Variants in PSD2 observed in about 807,000 individuals in gnomAD.
PSD2 encodes PH and SEC7 domain-containing protein 2.
Under a neutral mutation model 69.8 loss-of-function variants are expected in PSD2, and 38 were observed. That is an observed-to-expected ratio of 0.54 (90% CI 0.42 to 0.71). The LOEUF is 0.71. PSD2 is among the 30% of genes least tolerant of loss of function. The pLI is 0.00. For synonymous variants in PSD2, 412 were observed against 423.0 expected (o/e 0.97, Z 0.32); for missense variants, 943 against 1,014.5 (o/e 0.93, Z 0.96).
intron 7 of PSD2, among the ~76,000 whole-genome samples, chr5:139,833,284 C>A (rs1760637173): frequency 6.6e-6 from 1 of 152,008 alleles, no homozygotes; most frequent in African/African-American, 2.4e-5. Context: ...TGATCGTGGG[C>A]ATGTCACTTC....
chr5:139,825,148 G>A (rs1483976939), intron 7 of PSD2, among the ~76,000 whole-genome samples: 5 of 152,204 alleles, frequency 3.3e-5, no homozygotes, highest in South Asian at 4.1e-4. Flanking sequence ...GTGAACAAGC[G>A]ATTACAAGTT....
chr5:139,776,031 C>T, the PSD2 span, among the ~76,000 whole-genome samples: 4 of 152,210 alleles, frequency 2.6e-5, no homozygotes, highest in African/African-American at 7.2e-5. Flanking sequence ...CCCTCCAAGA[C>T]GCCTCCCCAA....
intron 1 of PSD2, among the ~76,000 whole-genome samples, chr5:139,804,935 A>G (rs1759762138): frequency 7.0e-6 from 1 of 142,836 alleles, no homozygotes; most frequent in Non-Finnish European, 1.5e-5. Context: ...GTGTGTGTGC[A>G]TGTGTCTGCA....
At position 139,836,943 on chromosome 5, in the gene PSD2, C is replaced by T. The variant is rs372881190; in HGVS notation, c.1536C>T (p.Thr512=). Residue 512 remains threonine (T), a synonymous_variant, in exon 10 of 15, where the codon ACC becomes ACT. Coordinates refer to ENST00000274710, the MANE Select transcript of PSD2 (RefSeq NM_032289.4). The part of the protein sequence containing the change: ...FLDVPQALSA[T]TYKHGVLTRK... ...ATGTCCCACAGGCGCTCAGTGCCAC[C>T]ACCTACAAGCACGGCGTCCTGACCC... 11 of 1,614,006 alleles carry T rather than the reference C, an allele frequency of 6.8e-6. No homozygotes were observed. Among genetic ancestry groups the T allele is most frequent in the Non-Finnish European group, 8.5e-6 (10 of 1,180,036 alleles).
At position 139,822,778 on chromosome 5, in the gene PSD2, C is replaced by T. The variant is rs181682090; in HGVS notation, c.1263C>T (p.His421=). The change falls in exon 7 of 15, where the codon CAC becomes CAT. Residue 421 remains histidine, a synonymous_variant. Transcript: ENST00000274710. ...CALMLLNTDL[H]GHNIGKKMSC... is the part of the protein sequence containing the mutation. ...TGATGCTGCTCAACACGGACCTGCACGGCCACGTGAGTTGGGGAGGTGACG... is the reference window on the plus strand; with the variant it reads ...TGATGCTGCTCAACACGGACCTGCATGGCCACGTGAGTTGGGGAGGTGACG... The T allele has an allele frequency of 2.2e-4, 349 of 1,607,530 alleles. 2 individuals are homozygous for T. The South Asian group carries it at 3.5e-3, about 16-fold the overall frequency.
At chr5:139,822,676 T>C (rs1760301429) in intron 6 of PSD2, 50 bp from the exon 7 acceptor site, 2 of 1,518,178 alleles carry the variant, frequency 1.3e-6, no homozygotes, top group Non-Finnish European at 1.8e-6. Context: ...AGACAGGGAG[T>C]GGGAAGAGGT....
rs1760898624 is a variant in PSD2 at position 139,842,507 on chromosome 5, G to A, written c.*33G>A. On this transcript the variant is annotated 3_prime_UTR_variant, in exon 15 of 15. Coordinates refer to ENST00000274710, the MANE Select transcript of PSD2 (RefSeq NM_032289.4). ...GGATTTGCAGACCCCAGGGTGGGCA[G>A]ATGTCTCCAGTGGGGTCAGTGAGCA... 1.3e-6 allele frequency: 2 copies of A among 1,592,552 alleles called. No individual in the cohort carries two copies. Among genetic ancestry groups the A allele is most frequent in the East Asian group, 2.2e-5 (1 of 44,586 alleles).
the PSD2 span, among the ~76,000 whole-genome samples, chr5:139,788,229 C>T: frequency 2.7e-5 from 4 of 150,606 alleles, no homozygotes; most frequent in Non-Finnish European, 5.9e-5. Flanking sequence ...CCAGCCCGAG[C>T]TCCCCCTGCG....
the PSD2 span, among the ~76,000 whole-genome samples, chr5:139,769,851 G>A: frequency 6.6e-6 from 1 of 152,252 alleles, no homozygotes; most frequent in South Asian, 2.1e-4. Flanking sequence ...GGGTGGAGGT[G>A]GGGCAGCTTC....
the PSD2 span, among the ~76,000 whole-genome samples, chr5:139,773,305 C>G: frequency 2.3e-3 from 353 of 152,214 alleles, no homozygotes; most frequent in Non-Finnish European, 4.2e-3. Context: ...TTTTGTCACC[C>G]GGGCTGGAGT....
At position 139,837,373 on chromosome 5, in the gene PSD2, C is replaced by T. The variant is rs1341747682; in HGVS notation, c.1665+135C>T. On this transcript the variant is annotated intron_variant, in intron 11 of 14. Coordinates refer to ENST00000274710, the MANE Select transcript of PSD2 (RefSeq NM_032289.4). The surrounding 1 kb of genome is among the most constrained non-coding windows in gnomAD (Gnocchi z 5.0). ...GCTGGGTCCTTCCCCAGACTTGGGC[C>T]CTCTCAGGGCTTTGGAGGTTTTTGG... The T allele has an allele frequency of 1.1e-5, 10 of 933,060 alleles. No homozygotes were observed. The Admixed American group carries it at 1.4e-4, about 13-fold the overall frequency. The allele number at this position is 933,060 out of a possible 1,614,324, so 57.8% of individuals were successfully genotyped here.
At chr5:139,792,856 GTCTTTCCTTCCT>G (rs1471294749), upstream of PSD2, among the ~76,000 whole-genome samples, 9 of 47,590 alleles carry the variant, frequency 1.9e-4, no homozygotes, top group African/African-American at 7.6e-4. Context: ...TTTTCTTTCT[GTCTTTCCTTCCT>G]TCCTTCCTTC....
chr5:139,792,859 T>TTCCTTCCTTCCTTCC (rs1554093428), upstream of PSD2, among the ~76,000 whole-genome samples: 3 of 107,790 alleles, frequency 2.8e-5, no homozygotes, highest in South Asian at 3.8e-4. Flanking sequence ...TCTTTCTGTC[T>TTCCTTCCTTCCTTCC]TTCCTTCCTT....
At chr5:139,824,908 C>T (rs6580272) in intron 7 of PSD2, among the ~76,000 whole-genome samples, 44,614 of 150,294 alleles carry the variant, frequency 0.3, 7,284 homozygotes, top group African/African-American at 0.44. Context: ...AGGGGCCCTG[C>T]GAGTCCCCAC....
At chr5:139,801,762 C>T (rs188458274) in intron 1 of PSD2, among the ~76,000 whole-genome samples, 2 of 152,254 alleles carry the variant, frequency 1.3e-5, no homozygotes, top group Admixed American at 6.5e-5. Context: ...CAGACAACCC[C>T]CCTCAACTTG....
intron 7 of PSD2, among the ~76,000 whole-genome samples, chr5:139,823,302 T>C (rs924946259): frequency 4.6e-5 from 7 of 152,122 alleles, no homozygotes; most frequent in African/African-American, 1.7e-4. Flanking sequence ...TGGGCTCTCT[T>C]GCCCTCGCAG....
At chr5:139,787,701 G>T in the PSD2 span, among the ~76,000 whole-genome samples, 1 of 152,240 alleles carries the variant, frequency 6.6e-6, no homozygotes, top group South Asian at 2.1e-4. Context: ...GGGCTGGGCG[G>T]CCTGTTGAAT....
At chr5:139,817,838 G>A (rs1033034014) in intron 5 of PSD2, among the ~76,000 whole-genome samples, 1 of 152,172 alleles carries the variant, frequency 6.6e-6, no homozygotes, top group East Asian at 1.9e-4. Flanking sequence ...CTTCCTGCCT[G>A]CCAGATGCTC....
At chr5:139,748,350 C>T in the PSD2 span, among the ~76,000 whole-genome samples, 3 of 152,210 alleles carry the variant, frequency 2.0e-5, no homozygotes, top group Non-Finnish European at 2.9e-5. Context: ...ATTTGGGCAC[C>T]TGCCCATTGC....
Sources: allele counts gnomAD v4.1 joint callset (sites outside exome capture counted in the v4.1 genomes callset), GRCh38; gene constraint gnomAD v4.1.1; non-coding constraint Gnocchi (gnomAD v3.1); transcripts MANE v1.5; gene names NCBI Gene and HGNC (gene_info 2026-07-23, HGNC 2026-07-21).